The following EPHA3 variants were observed in gnomAD, a reference collection of about 807,000 sequenced individuals.
EPHA3 encodes EPH receptor A3, also known as ephrin type-A receptor 3.
Under a neutral mutation model 107.1 loss-of-function variants are expected in EPHA3, and 42 were observed. The observed-to-expected ratio is 0.39, with a 90% confidence interval of 0.31 to 0.51. The LOEUF (loss-of-function observed/expected upper bound fraction) is 0.51. Among genes scored for constraint, EPHA3 ranks in the 20% least tolerant of loss-of-function variants. The pLI, the probability that EPHA3 is intolerant of heterozygous loss-of-function variation, is 0.78. For synonymous variants in EPHA3, 461 were observed against 424.8 expected (o/e 1.09, Z -1.05); for missense variants, 1,183 against 1,211.2 (o/e 0.98, Z 0.35).
chr3:89,275,214 G>A (rs1001210640), intron 3 of EPHA3, among the ~76,000 whole-genome samples: 5 of 151,880 alleles, frequency 3.3e-5, no homozygotes, highest in Non-Finnish European at 5.9e-5. Context: ...CAGTCCTTGC[G>A]GGAGCAATGT....
intron 3 of EPHA3, among the ~76,000 whole-genome samples, chr3:89,260,589 C>T (rs1195831901): frequency 6.6e-6 from 1 of 152,060 alleles, no homozygotes; most frequent in Admixed American, 6.6e-5. Flanking sequence ...ATATTAACCC[C>T]TTATCAGTTG....
intron 3 of EPHA3, among the ~76,000 whole-genome samples, chr3:89,256,431 C>T (rs538093203): frequency 1.3e-5 from 2 of 151,668 alleles, no homozygotes; most frequent in East Asian, 1.9e-4. Context: ...ATTAGCTGGC[C>T]GTGTTGGAGT....
chr3:89,215,078 A>G (rs970434488), intron 3 of EPHA3, among the ~76,000 whole-genome samples: 3 of 151,902 alleles, frequency 2.0e-5, no homozygotes, highest in African/African-American at 7.2e-5. Flanking sequence ...AGCAACTAAG[A>G]AAAAGAAAAA....
At chr3:89,280,935 G>C (rs1291393342) in intron 3 of EPHA3, among the ~76,000 whole-genome samples, 4 of 151,762 alleles carry the variant, frequency 2.6e-5, no homozygotes, top group African/African-American at 9.7e-5. Context: ...ATAATACTAG[G>C]TATTATTTAC....
chr3:89,211,539 C>A (rs1704080816), intron 3 of EPHA3, among the ~76,000 whole-genome samples: 1 of 152,028 alleles, frequency 6.6e-6, no homozygotes, highest in Non-Finnish European at 1.5e-5. Flanking sequence ...TCACTTTTCT[C>A]AAATGCAAGT....
At chr3:89,472,121 T>G (rs1211101672) in intron 15 of EPHA3, among the ~76,000 whole-genome samples, 1 of 152,224 alleles carries the variant, frequency 6.6e-6, no homozygotes, top group African/African-American at 2.4e-5. Context: ...CAGTGTGTCC[T>G]GCCTACTGTA....
chr3:89,416,626 G>A (rs1412913094), intron 10 of EPHA3, among the ~76,000 whole-genome samples: 1 of 151,192 alleles, frequency 6.6e-6, no homozygotes, highest in Non-Finnish European at 1.5e-5. Context: ...AAATATAATT[G>A]AATTAATATT....
intron 3 of EPHA3, among the ~76,000 whole-genome samples, chr3:89,322,643 G>C (rs1707070676): frequency 6.6e-6 from 1 of 152,040 alleles, no homozygotes; most frequent in Non-Finnish European, 1.5e-5. Context: ...ATTTATAATT[G>C]CCAGTATTGG....
At chr3:89,107,923 G>C in intron 1 of EPHA3, 87 bp downstream of exon 1, 1 of 1,319,544 alleles carries the variant, frequency 7.6e-7, no homozygotes, top group Non-Finnish European at 1.1e-6. Flanking sequence ...TTGCACGTCG[G>C]GAAGGTGCCT....
chr3:89,141,247 A>G (rs1576179017), intron 2 of EPHA3, among the ~76,000 whole-genome samples: 1 of 151,524 alleles, frequency 6.6e-6, no homozygotes, highest in Non-Finnish European at 1.5e-5. Context: ...TTAATGCAAA[A>G]TTGTTATGAA....
rs1318447741 is a variant in EPHA3 at position 89,208,559 on chromosome 3, A to G, written c.154-1301A>G. Among the ~76,000 whole-genome samples, 2 of 147,608 alleles carry G rather than the reference A, an allele frequency of 1.4e-5. 1 individual carries two copies. The highest frequency in any genetic ancestry group is 4.0e-4 in the East Asian group (2 of 4,976). On this transcript the variant is annotated intron_variant, in intron 2 of 16. Transcript: ENST00000336596. ...AAGAAAAAAAGAAAGAGAAAGAAAG[A>G]AAGATAAAAAGAAAGAGAAAGAAAG...
At chr3:89,379,835 T>C (rs1361424158) in intron 5 of EPHA3, among the ~76,000 whole-genome samples, 3 of 152,294 alleles carry the variant, frequency 2.0e-5, no homozygotes, top group South Asian at 2.1e-4. Flanking sequence ...TGTGAGTAAA[T>C]TGGATAGCTC....
intron 3 of EPHA3, among the ~76,000 whole-genome samples, chr3:89,283,209 A>C (rs1227229670): frequency 6.6e-6 from 1 of 152,114 alleles, no homozygotes; most frequent in Non-Finnish European, 1.5e-5. Flanking sequence ...AAAGTGAAAA[A>C]AGTTTAAACT....
chr3:89,438,317 T>G lies in EPHA3; in HGVS notation c.2346+6958T>G, dbSNP rs193051169. On this transcript the variant is annotated intron_variant, in intron 13 of 16. Transcript: ENST00000336596. ...TAGTAGAGACGGGGTTTCACCATGT[T>G]AGCCAGGATGGTCTCGATCTCCTGA... Among the ~76,000 whole-genome samples the G allele has an allele frequency of 4.8e-3, 726 of 152,174 alleles. 3 individuals are homozygous for G. The highest frequency in any genetic ancestry group is 0.017 in the African/African-American group (689 of 41,512).
At chr3:89,240,924 AAC>A (rs1282617105) in intron 3 of EPHA3, among the ~76,000 whole-genome samples, 1 of 152,130 alleles carries the variant, frequency 6.6e-6, no homozygotes, top group Admixed American at 6.5e-5. Context: ...TGAATAAAAT[AAC>A]ACAGTACATC....
intron 10 of EPHA3, among the ~76,000 whole-genome samples, chr3:89,416,593 A>C (rs1709252677): frequency 6.6e-6 from 1 of 151,450 alleles, no homozygotes; most frequent in Non-Finnish European, 1.5e-5. Context: ...TGCTATCCCA[A>C]TGCAGTTATT....
intron 5 of EPHA3, among the ~76,000 whole-genome samples, chr3:89,359,675 G>T (rs1013120579): frequency 2.1e-5 from 3 of 145,796 alleles, no homozygotes; most frequent in African/African-American, 5.0e-5. Context: ...ATTATATATT[G>T]TGTGTGTGTG....
intron 2 of EPHA3, among the ~76,000 whole-genome samples, chr3:89,209,106 T>C (rs1385244790): frequency 6.6e-6 from 1 of 152,190 alleles, no homozygotes; most frequent in Non-Finnish European, 1.5e-5. Context: ...TTTACAGTGA[T>C]AAAAGTTGTT....
Position 89,209,852 on chromosome 3 carries a change from T to G in EPHA3, c.154-8T>G. 6.4e-7 allele frequency: 1 copy of G among 1,572,898 alleles called. No homozygotes were observed. Among genetic ancestry groups the G allele is most frequent in the Non-Finnish European group, 8.6e-7 (1 of 1,159,628 alleles). On this transcript the variant is annotated splice_region_variant and splice_polypyrimidine_tract_variant and intron_variant, in intron 2 of 16. Transcript: ENST00000336596. ...TGCCTCACTCTCTGTTTCTCTTTGA[T>G]TCTTCAGTGGGAAGAGATCAGTGGT...
Sources: allele counts gnomAD v4.1 joint callset (sites outside exome capture counted in the v4.1 genomes callset), GRCh38; gene constraint gnomAD v4.1.1; transcripts MANE v1.5; gene names NCBI Gene and HGNC (gene_info 2026-07-23, HGNC 2026-07-21).